The following NR3C2 variants were observed in gnomAD, a reference collection of about 807,000 sequenced individuals.
The protein encoded by NR3C2 is nuclear receptor subfamily 3 group C member 2, also known as mineralocorticoid receptor.
Under a neutral mutation model 86.4 loss-of-function variants are expected in NR3C2, and 15 were observed. That is an observed-to-expected ratio of 0.17 (90% CI 0.12 to 0.27). The LOEUF (loss-of-function observed/expected upper bound fraction) is 0.27, where lower values mean the gene tolerates loss of function less well. Among genes scored for constraint, NR3C2 ranks in the 10% least tolerant of loss-of-function variants. The probability of loss-of-function intolerance (pLI) is 1.00; values close to 1 mark genes in which losing one functional copy is unlikely to be tolerated. For missense variants in NR3C2, 960 were observed against 1,195.6 expected, an observed-to-expected ratio of 0.80 and a Z score of 2.91; for synonymous variants, 458 against 450.5, an observed-to-expected ratio of 1.02 and a Z score of -0.21.
chr4:148,202,551 T>C (rs1364851710), intron 3 of NR3C2, among the ~76,000 whole-genome samples: 3 of 152,220 alleles, frequency 2.0e-5, no homozygotes, highest in African/African-American at 7.2e-5. Context: ...AATGATATAT[T>C]TCAACTTATT....
intron 2 of NR3C2, among the ~76,000 whole-genome samples, chr4:148,300,168 C>T (rs59926068): frequency 6.6e-6 from 1 of 152,198 alleles, no homozygotes. Flanking sequence ...GAAGTATGAC[C>T]TGTAACCACA....
In NR3C2 at chr4:148,436,820, T is replaced by A; in HGVS notation, c.41A>T (p.Asp14Val). ...KGYHSLPEGL[D>V]MERRWGQVSQ... ...AACTTGACCCCACCGTCTTTCCATA[T>A]CTAGACCTTCAGGGAGACTGTGGTA... Residue 14 changes from aspartate to valine, a missense_variant, in exon 2 of 9, where the codon GAT (aspartate) becomes GTT (valine). Around this residue, in one of 4 missense-constraint regions of NR3C2, gnomAD observed 680 missense variants for 719.0 expected, o/e 0.95. Transcript: ENST00000358102. 6.2e-7 allele frequency: 1 copy of A among 1,612,462 alleles called. No individual in the cohort carries two copies. The highest frequency in any genetic ancestry group is 8.5e-7 in the Non-Finnish European group (1 of 1,179,988).
In NR3C2 at chr4:148,079,536, TATC is replaced by T. The variant is rs1730443191; in HGVS notation, c.*1805_*1807del. The T allele has an allele frequency of 6.6e-6, 1 of 152,626 alleles. No individual in the cohort carries two copies. Among genetic ancestry groups the T allele is most frequent in the Non-Finnish European group, 1.5e-5 (1 of 68,034 alleles). The allele number at this position is 152,626 out of a possible 1,614,324, so 9.5% of individuals were successfully genotyped here. ...GATTTCACTGAGTAAACCTGATGATTATCATCATTTTTAAAAGATTAATTTGGC... is the reference window on the plus strand; with the variant it reads ...GATTTCACTGAGTAAACCTGATGATTATCATTTTTAAAAGATTAATTTGGC... On this transcript the variant is annotated 3_prime_UTR_variant, in exon 9 of 9. Coordinates refer to ENST00000358102, the MANE Select transcript of NR3C2 (RefSeq NM_000901.5).
intron 2 of NR3C2, among the ~76,000 whole-genome samples, chr4:148,314,384 G>A (rs1170228183): frequency 6.6e-6 from 1 of 151,980 alleles, no homozygotes; most frequent in Non-Finnish European, 1.5e-5. Context: ...AGAACTCTTT[G>A]CATTTGAGAG....
intron 6 of NR3C2, among the ~76,000 whole-genome samples, chr4:148,122,719 G>A (rs895481722): frequency 6.6e-6 from 1 of 152,148 alleles, no homozygotes. Flanking sequence ...TTTTAATATG[G>A]ACATTTATCA....
At chr4:148,188,344 A>G (rs1314602029) in intron 4 of NR3C2, among the ~76,000 whole-genome samples, 2 of 152,216 alleles carry the variant, frequency 1.3e-5, no homozygotes, top group Non-Finnish European at 2.9e-5. Flanking sequence ...CTACCCAACC[A>G]TGAGCATGGG....
intron 2 of NR3C2, among the ~76,000 whole-genome samples, chr4:148,367,242 C>T (rs1746190506): frequency 6.6e-6 from 1 of 152,078 alleles, no homozygotes; most frequent in South Asian, 2.1e-4. Flanking sequence ...AAAGCTGCCC[C>T]AAAATTAATA....
chr4:148,114,523 T>C (rs1315144461), intron 7 of NR3C2, among the ~76,000 whole-genome samples: 1 of 152,206 alleles, frequency 6.6e-6, no homozygotes, highest in South Asian at 2.1e-4. Flanking sequence ...ACATAACTGT[T>C]ATATCATTCT....
At chr4:148,407,860 T>C (rs183557924) in intron 2 of NR3C2, among the ~76,000 whole-genome samples, 11 of 152,330 alleles carry the variant, frequency 7.2e-5, no homozygotes, top group African/African-American at 2.6e-4. Flanking sequence ...AATCCTGACT[T>C]TGAACACTAA....
chr4:148,265,303 C>T (rs930422848), intron 2 of NR3C2, among the ~76,000 whole-genome samples: 1 of 152,130 alleles, frequency 6.6e-6, no homozygotes, highest in African/African-American at 2.4e-5. Flanking sequence ...GGAGGAAATA[C>T]ACTAGCCAAT....
intron 2 of NR3C2, among the ~76,000 whole-genome samples, chr4:148,328,563 C>G (rs1744074963): frequency 6.6e-6 from 1 of 152,178 alleles, no homozygotes; most frequent in Admixed American, 6.5e-5. Context: ...CCATGCCCCC[C>G]TCAAAAGACC....
At chr4:148,143,589 CT>C (rs1733720803) in intron 6 of NR3C2, among the ~76,000 whole-genome samples, 1 of 152,196 alleles carries the variant, frequency 6.6e-6, no homozygotes, top group African/African-American at 2.4e-5. Context: ...ATAAATATCA[CT>C]TATTTCCTTC....
At chr4:148,232,217 A>G (rs34165580) in intron 3 of NR3C2, among the ~76,000 whole-genome samples, 57,545 of 152,140 alleles carry the variant, frequency 0.38, 11,829 homozygotes, top group South Asian at 0.54. Context: ...CAGATCCATC[A>G]GAGGAATCAC....
intron 3 of NR3C2, among the ~76,000 whole-genome samples, chr4:148,247,484 T>C (rs555282679): frequency 5.3e-5 from 8 of 152,226 alleles, no homozygotes; most frequent in African/African-American, 1.7e-4. Context: ...GCAATTTGTA[T>C]TGCTTTACTG....
At chr4:148,130,481 G>C (rs1732967329) in intron 6 of NR3C2, among the ~76,000 whole-genome samples, 1 of 152,174 alleles carries the variant, frequency 6.6e-6, no homozygotes, top group African/African-American at 2.4e-5. Context: ...AGAAGCCTTT[G>C]AAATACTTCA....
intron 3 of NR3C2, among the ~76,000 whole-genome samples, chr4:148,226,303 T>C (rs906048722): frequency 6.6e-6 from 1 of 152,200 alleles, no homozygotes; most frequent in Admixed American, 6.5e-5. Context: ...AGGAAACTAC[T>C]ATTCTAATTT....
chr4:148,236,641 TAAATC>T (rs1274978109), intron 3 of NR3C2, among the ~76,000 whole-genome samples: 4 of 152,318 alleles, frequency 2.6e-5, no homozygotes, highest in Admixed American at 6.5e-5. Flanking sequence ...TTTATGCACT[TAAATC>T]AAATACTTTG....
intron 6 of NR3C2, among the ~76,000 whole-genome samples, chr4:148,134,598 C>T (rs1357648103): frequency 1.4e-5 from 2 of 142,852 alleles, no homozygotes; most frequent in Non-Finnish European, 3.0e-5. Flanking sequence ...TTAAGGACAA[C>T]ACCTTAAAAG....
chr4:148,145,200 T>C (rs1223889580), intron 6 of NR3C2, among the ~76,000 whole-genome samples: 3 of 151,914 alleles, frequency 2.0e-5, no homozygotes, highest in African/African-American at 7.3e-5. Flanking sequence ...AATGGCGGAG[T>C]TCAGGTATGG....
Sources: allele counts gnomAD v4.1 joint callset (sites outside exome capture counted in the v4.1 genomes callset), GRCh38; gene constraint gnomAD v4.1.1; regional missense constraint gnomAD v4.1.1; transcripts MANE v1.5; gene names NCBI Gene and HGNC (gene_info 2026-07-23, HGNC 2026-07-21).